TRIM27: variants seen among roughly 807,000 people sequenced by gnomAD.
TRIM27 encodes the protein tripartite motif containing 27.
Under a neutral mutation model 57.6 loss-of-function variants are expected in TRIM27, and 12 were observed. The observed-to-expected ratio is 0.21, with a 90% confidence interval of 0.13 to 0.34. The LOEUF (loss-of-function observed/expected upper bound fraction) is 0.34. TRIM27 is among the 10% of genes least tolerant of loss of function. The pLI, the probability that TRIM27 is intolerant of heterozygous loss-of-function variation, is 1.00. For synonymous variants in TRIM27, 266 were observed against 259.0 expected (o/e 1.03, Z -0.26); for missense variants, 403 against 656.8 (o/e 0.61, Z 4.22).
At position 28,911,179 on chromosome 6, in the gene TRIM27, T is replaced by C. The variant is rs140143830; in HGVS notation, c.770+517A>G. On this transcript the variant is annotated intron_variant, in intron 4 of 7. Coordinates refer to ENST00000377199, the MANE Select transcript of TRIM27 (RefSeq NM_006510.5). Reference sequence around the variant, plus strand: ...CCTCCAAGCTCTCCCTCTTTGATCGTGTTCCAGCTGCCAGGGAGTTCTTCC... The same window carrying C: ...CCTCCAAGCTCTCCCTCTTTGATCGCGTTCCAGCTGCCAGGGAGTTCTTCC... 8 of 150,566 alleles carry C rather than the reference T, an allele frequency of 5.3e-5. 1 individual carries two copies. Among genetic ancestry groups the C allele is most frequent in the African/African-American group, 2.0e-4 (8 of 40,636 alleles). The allele number at this position is 150,566 out of a possible 1,614,324, so 9.3% of individuals were successfully genotyped here.
At chr6:28,913,878 A>G (rs908500892) in intron 3 of TRIM27, among the ~76,000 whole-genome samples, 1 of 151,528 alleles carries the variant, frequency 6.6e-6, no homozygotes, top group African/African-American at 2.4e-5. Flanking sequence ...TTTTAATACT[A>G]TCTTTTGACT....
chr6:28,920,374 CCA>C (rs1773930805), intron 2 of TRIM27, 132 bp from the exon 3 acceptor site: 1 of 681,036 alleles, frequency 1.5e-6, no homozygotes, highest in Non-Finnish European at 2.4e-6. Context: ...CTCATTATTT[CCA>C]GTCTTTACTG....
At chr6:28,920,700 A>G (rs1332266516) in intron 2 of TRIM27, among the ~76,000 whole-genome samples, 7 of 152,152 alleles carry the variant, frequency 4.6e-5, no homozygotes, top group South Asian at 2.1e-4. Flanking sequence ...GCTGGAGCAC[A>G]TGAGTGTTGA....
At chr6:28,915,293 T>A (rs1234142746) in intron 3 of TRIM27, 1 of 111,982 alleles carries the variant, frequency 8.9e-6, no homozygotes, top group African/African-American at 3.4e-5. Context: ...AAAATATTCT[T>A]AAAAAAAAAA....
intron 3 of TRIM27, chr6:28,915,382 G>A (rs1392774520): frequency 6.6e-6 from 1 of 151,726 alleles, no homozygotes; most frequent in Non-Finnish European, 1.5e-5. Context: ...GCCAAGGTAG[G>A]CGGATCACCT....
intron 5 of TRIM27, 58 bp downstream of exon 5, chr6:28,908,915 A>C: frequency 6.3e-7 from 1 of 1,599,296 alleles, no homozygotes; most frequent in South Asian, 1.1e-5. Flanking sequence ...TTCATCAGGC[A>C]ATATGCAGAT....
At chr6:28,910,332 CTTT>C (rs9278121) in intron 4 of TRIM27, among the ~76,000 whole-genome samples, 2 of 149,840 alleles carry the variant, frequency 1.3e-5, no homozygotes, top group African/African-American at 4.9e-5. Flanking sequence ...ACATTTCTTA[CTTT>C]TTTTTTTCTT....
chr6:28,904,778 C>T lies in TRIM27; in HGVS notation c.947-113G>A, dbSNP rs1038871214. On this transcript the variant is annotated intron_variant, in intron 7 of 7. Coordinates refer to ENST00000377199, the MANE Select transcript of TRIM27 (RefSeq NM_006510.5). The surrounding 1 kb of genome is among the most constrained non-coding windows in gnomAD (Gnocchi z 6.1). ...TAAGAGGTTCCCACTGGAGGTTGCA[C>T]GTATTTTATTTAGAATATATTCTAA... The T allele has an allele frequency of 5.7e-6, 4 of 701,498 alleles. No individual in the cohort carries two copies. The highest frequency in any genetic ancestry group is 3.6e-5 in the African/African-American group (2 of 55,710). The allele number at this position is 701,498 out of a possible 1,614,324, so 43.5% of individuals were successfully genotyped here. A position where few individuals can be genotyped will look rare whatever the true frequency, so the allele number is the denominator to read the frequency against.
intron 3 of TRIM27, among the ~76,000 whole-genome samples, chr6:28,913,218 G>A (rs568672270): frequency 6.1e-4 from 89 of 144,830 alleles, no homozygotes; most frequent in Admixed American, 6.4e-4. Flanking sequence ...TCTTGCCATT[G>A]TACTCCAGCC....
intron 2 of TRIM27, among the ~76,000 whole-genome samples, chr6:28,920,637 G>A (rs576320235): frequency 6.6e-6 from 1 of 152,290 alleles, no homozygotes; most frequent in East Asian, 1.9e-4. Flanking sequence ...TTTCCAGGCA[G>A]AAGAAATGGC....
Position 28,909,030 on chromosome 6 carries a change from T to C in TRIM27, c.829A>G (p.Ile277Val). ...WITPPDLQEK[I>V]HIFAQKCLFL... ...AGACATTTTTGGGCAAAAATGTGGATTTTCTCTTGCAAATCTGGAGGTGTG... is the reference window on the plus strand; with the variant it reads ...AGACATTTTTGGGCAAAAATGTGGACTTTCTCTTGCAAATCTGGAGGTGTG... Residue 277 changes from isoleucine to valine, a missense_variant, in exon 5 of 8, where the codon ATC becomes GTC. Coordinates refer to ENST00000377199, the MANE Select transcript of TRIM27 (RefSeq NM_006510.5). The C allele has an allele frequency of 6.2e-7, 1 of 1,614,134 alleles. No homozygotes were observed.
At chr6:28,918,536 A>C (rs1773784872) in intron 3 of TRIM27, among the ~76,000 whole-genome samples, 1 of 152,212 alleles carries the variant, frequency 6.6e-6, no homozygotes, top group South Asian at 2.1e-4. Context: ...AAAATAAAAA[A>C]AGAAAAAAAG....
At chr6:28,906,999 C>CT (rs1772817199) in intron 7 of TRIM27, 2 of 525,432 alleles carry the variant, frequency 3.8e-6, no homozygotes, top group African/African-American at 1.9e-5. Context: ...TATAATCCTT[C>CT]TTTAACACCT....
rs2150480149 is a variant in TRIM27 at position 28,915,699 on chromosome 6, C to T, written c.748-3981G>A. On this transcript the variant is annotated intron_variant, in intron 3 of 7. Coordinates refer to ENST00000377199, the MANE Select transcript of TRIM27 (RefSeq NM_006510.5). ...GAACCATGCACAGATTAGCATGGCTCCTGCACAAGGATAACACACAAATTT... is the reference window on the plus strand; with the variant it reads ...GAACCATGCACAGATTAGCATGGCTTCTGCACAAGGATAACACACAAATTT... 2.0e-5 allele frequency: 3 copies of T among 152,316 alleles called. No homozygotes were observed. The South Asian group carries it at 6.2e-4, about 32-fold the overall frequency. The allele number at this position is 152,316 out of a possible 1,614,324, so 9.4% of individuals were successfully genotyped here.
chr6:28,903,106 C>T lies in TRIM27; in HGVS notation c.*964G>A, dbSNP rs905141502. On this transcript the variant is annotated 3_prime_UTR_variant, in exon 8 of 8. Transcript: ENST00000377199. Reference sequence around the variant, plus strand: ...CTTGCTTGAAGTGATCTGCCCCAGCCTTCTGACTTCAGAGTGTCTCATGAT... The same window carrying T: ...CTTGCTTGAAGTGATCTGCCCCAGCTTTCTGACTTCAGAGTGTCTCATGAT... 2.2e-5 allele frequency: 5 copies of T among 230,886 alleles called. No homozygotes were observed. Among genetic ancestry groups the T allele is most frequent in the Non-Finnish European group, 4.3e-5 (5 of 116,682 alleles). 14.3% of individuals were successfully genotyped at this position (230,886 alleles called of 1,614,324 possible).
At chr6:28,918,835 C>T (rs1267704606) in intron 3 of TRIM27, among the ~76,000 whole-genome samples, 2 of 151,722 alleles carry the variant, frequency 1.3e-5, no homozygotes, top group Admixed American at 1.3e-4. Context: ...AAGATCGCAC[C>T]ACTGCACTCC....
At chr6:28,919,297 A>T (rs1320642144) in intron 3 of TRIM27, among the ~76,000 whole-genome samples, 1 of 152,134 alleles carries the variant, frequency 6.6e-6, no homozygotes, top group Non-Finnish European at 1.5e-5. Context: ...GGTGTGAGCC[A>T]CTGCACCTGG....
At chr6:28,921,856 C>T in intron 2 of TRIM27, 36 bp downstream of exon 2, 2 of 1,529,980 alleles carry the variant, frequency 1.3e-6, no homozygotes, top group Non-Finnish European at 1.8e-6. Context: ...GAGGAGAGCA[C>T]CAGCAGAACC....
In TRIM27 at chr6:28,920,073, A is replaced by G. The variant is rs774751185; in HGVS notation, c.686T>C (p.Leu229Pro). The G allele has an allele frequency of 6.2e-7, 1 of 1,614,182 alleles. No homozygotes were observed. The highest frequency in any genetic ancestry group is 1.1e-5 in the South Asian group (1 of 91,080). The change falls in exon 3 of 8, where the codon CTC becomes CCC. Residue 229 changes from leucine to proline, a missense_variant. Transcript: ENST00000377199. ...ITQFSCNISHLSSLIAQLEEK... is the reference protein window; with the variant it reads ...ITQFSCNISHPSSLIAQLEEK... ...TTCTAGCTGAGCGATCAGGCTGCTG[A>G]GGTGGGAGATGTTGCAAGAGAACTG... is the stretch of plus-strand genomic sequence containing the variant.
Sources: allele counts gnomAD v4.1 joint callset (sites outside exome capture counted in the v4.1 genomes callset), GRCh38; gene constraint gnomAD v4.1.1; non-coding constraint Gnocchi (gnomAD v3.1); transcripts MANE v1.5; gene names NCBI Gene and HGNC (gene_info 2026-07-23, HGNC 2026-07-21).